ATF7: variants seen among roughly 807,000 people sequenced by gnomAD.
The protein encoded by ATF7 is cyclic AMP-dependent transcription factor ATF-7.
In ATF7, 10 loss-of-function variants were observed where a neutral mutation model predicts 50.4. The observed-to-expected ratio is 0.20, with a 90% CI of 0.12 to 0.34. The LOEUF (loss-of-function observed/expected upper bound fraction) is 0.34. Among genes scored for constraint, ATF7 ranks in the 10% least tolerant of loss-of-function variants. The pLI, the probability that ATF7 is intolerant of heterozygous loss-of-function variation, is 1.00. For missense variants in ATF7, 465 were observed against 613.9 expected, an observed-to-expected ratio of 0.76 and a Z score of 2.56; for synonymous variants, 201 against 226.4, an observed-to-expected ratio of 0.89 and a Z score of 1.01.
rs370004741 is a variant in ATF7 at position 53,531,873 on chromosome 12, G to T, written c.798C>A (p.His266Gln). 3 of 1,613,580 alleles carry T rather than the reference G, an allele frequency of 1.9e-6. No individual in the cohort carries two copies. In the African/African-American group the frequency reaches 4.0e-5, roughly 22 times the overall value. ...AACCACCATTGATTGAGGAGACTTG[G>T]TGAGTTAGGGTGGCTTTCAGTCTCT... ...AKMRLKATLTHQVSSINGGCG... is the reference protein window; with the variant it reads ...AKMRLKATLTQQVSSINGGCG... Residue 266 changes from histidine to glutamine, a missense_variant, in exon 9 of 12, where the codon CAC becomes CAA. Coordinates refer to ENST00000420353, the MANE Select transcript of ATF7 (RefSeq NM_006856.3).
intron 2 of ATF7, among the ~76,000 whole-genome samples, chr12:53,568,109 G>A (rs1354221922): frequency 6.6e-6 from 1 of 152,148 alleles, no homozygotes; most frequent in Non-Finnish European, 1.5e-5. Flanking sequence ...TTTCACTGTG[G>A]AAAAACTATA....
intron 4 of ATF7, among the ~76,000 whole-genome samples, chr12:53,541,749 C>A (rs1939563201): frequency 6.6e-6 from 1 of 152,174 alleles, no homozygotes. Flanking sequence ...TAAATGTAAT[C>A]CCTCTTTTAA....
In ATF7 at chr12:53,617,414, G is replaced by A. The variant is rs182126183; in HGVS notation, c.-22+8865C>T. On this transcript the variant is annotated intron_variant, in intron 1 of 11. Transcript: ENST00000420353. The stretch of plus-strand genomic sequence containing the variant: ...AGGTCAAGGTGGGTGGATCATTTGA[G>A]GTCACGGGTGCGAGAGCAGCCTGGC... Among the ~76,000 whole-genome samples, 75 of 152,312 alleles carry A rather than the reference G, an allele frequency of 4.9e-4. 1 individual carries two copies. Among genetic ancestry groups the A allele is most frequent in the Admixed American group, 3.0e-3 (46 of 15,290 alleles).
intron 2 of ATF7, among the ~76,000 whole-genome samples, chr12:53,578,367 CAAAA>C (rs56914905): frequency 6.3e-4 from 68 of 107,734 alleles, no homozygotes; most frequent in African/African-American, 2.1e-3. Context: ...GATCTTCTCT[CAAAA>C]AAAAAAAAAA....
At chr12:53,611,004 T>C (rs982388762) in intron 1 of ATF7, among the ~76,000 whole-genome samples, 3 of 152,040 alleles carry the variant, frequency 2.0e-5, no homozygotes, top group Non-Finnish European at 4.4e-5. Context: ...TTTTTTTTTT[T>C]TGTAGAGACA....
At chr12:53,615,844 C>T (rs1256271577) in intron 1 of ATF7, among the ~76,000 whole-genome samples, 1 of 151,418 alleles carries the variant, frequency 6.6e-6, no homozygotes, top group Non-Finnish European at 1.5e-5. Flanking sequence ...GTTATGATCA[C>T]GCCACTGCAT....
At chr12:53,575,338 C>T (rs914647700) in intron 2 of ATF7, among the ~76,000 whole-genome samples, 7 of 149,350 alleles carry the variant, frequency 4.7e-5, no homozygotes, top group Admixed American at 1.4e-4. Flanking sequence ...ACCCAGGAGG[C>T]GGAGGCTGCG....
In ATF7 at chr12:53,543,344, C is replaced by T; in HGVS notation, c.250G>A (p.Glu84Lys). ...FEHEFKKAAD[E>K]DEKKAAAGPL... is the part of the protein sequence containing the mutation. Reference sequence around the variant, plus strand: ...CTGCTTCTTGCCTTTTTCTCATCCTCATCTGCAGCTTTCTTGAATTCATGT... The same window carrying T: ...CTGCTTCTTGCCTTTTTCTCATCCTTATCTGCAGCTTTCTTGAATTCATGT... The change falls in exon 4 of 12, where the codon GAG (glutamate) becomes AAG (lysine). Residue 84 changes from glutamate (E) to lysine (K), a missense_variant. By Grantham distance (56) the Glu-to-Lys change is moderately conservative. Transcript: ENST00000420353. 2 of 1,590,232 alleles carry T rather than the reference C, an allele frequency of 1.3e-6. No individual in the cohort carries two copies. The highest frequency in any genetic ancestry group is 1.1e-5 in the South Asian group (1 of 87,424).
chr12:53,533,132 G>A, intron 7 of ATF7, 28 bp downstream of exon 7: 1 of 1,550,588 alleles, frequency 6.4e-7, no homozygotes, highest in Non-Finnish European at 8.9e-7. Context: ...ATGTTGGTAG[G>A]GTTGGCTGCC....
chr12:53,555,490 A>AT (rs543048867), intron 2 of ATF7, among the ~76,000 whole-genome samples: 1,376 of 100,714 alleles, frequency 0.014, 178 homozygotes, highest in African/African-American at 0.018. Context: ...AAATAATATA[A>AT]TTTTTTTTTT....
In ATF7 at chr12:53,612,880, T is replaced by G. The variant is rs570601539; in HGVS notation, c.-21-11859A>C. ...TTAGTTGGGCATGGTAGCGCGCACC[T>G]GTAGTCCCTGCTACTCGGGAGGCTG... On this transcript the variant is annotated intron_variant, in intron 1 of 11. Coordinates refer to ENST00000420353, the MANE Select transcript of ATF7 (RefSeq NM_006856.3). 2.0e-5 allele frequency among the ~76,000 whole-genome samples: 3 copies of G among 152,192 alleles called. No homozygotes were observed. In the South Asian group the frequency reaches 6.2e-4, roughly 32 times the overall value.
chr12:53,550,331 A>AAATAAATAAAT (rs1555218972), intron 3 of ATF7, among the ~76,000 whole-genome samples: 208 of 123,618 alleles, frequency 1.7e-3, no homozygotes, highest in Middle Eastern at 3.8e-3. Flanking sequence ...CTCAAAAAAA[A>AAATAAATAAAT]AAATAAATAA....
intron 2 of ATF7, among the ~76,000 whole-genome samples, chr12:53,571,354 C>A (rs762808369): frequency 6.6e-6 from 1 of 151,680 alleles, no homozygotes. Flanking sequence ...TGTTATAACG[C>A]CTACAGGAAA....
In ATF7 at chr12:53,532,613, G is replaced by T; in HGVS notation, c.671C>A (p.Pro224His). The change falls in exon 8 of 12, where the codon CCT (proline) becomes CAT (histidine). Residue 224 changes from proline to histidine, a missense_variant. By Grantham distance (77) the Pro-to-His change is moderately conservative. Coordinates refer to ENST00000420353, the MANE Select transcript of ATF7 (RefSeq NM_006856.3). ...AGGAATGTTGGGCACCATGGACACA[G>T]GTCTGGCCAGCTGGATCGAGAGAAG... is the stretch of plus-strand genomic sequence containing the variant. The part of the protein sequence containing the change: ...QMPSVISLAR[P>H]VSMVPNIPGI... 6.2e-7 allele frequency: 1 copy of T among 1,603,082 alleles called. No individual in the cohort carries two copies. Among genetic ancestry groups the T allele is most frequent in the Non-Finnish European group, 8.5e-7 (1 of 1,174,630 alleles).
chr12:53,526,244 T>C (rs1938460402), intron 9 of ATF7, among the ~76,000 whole-genome samples: 1 of 149,228 alleles, frequency 6.7e-6, no homozygotes, highest in Non-Finnish European at 1.5e-5. Context: ...CAAGTGTACC[T>C]GCTTCTCCGG....
intron 2 of ATF7, among the ~76,000 whole-genome samples, chr12:53,572,752 G>C (rs1941837300): frequency 6.6e-6 from 1 of 151,922 alleles, no homozygotes; most frequent in Non-Finnish European, 1.5e-5. Context: ...TTCGAGACTA[G>C]CCTGGGTGAT....
intron 2 of ATF7, among the ~76,000 whole-genome samples, chr12:53,553,185 A>G (rs562391850): frequency 3.3e-5 from 5 of 152,296 alleles, no homozygotes; most frequent in Admixed American, 1.3e-4. Flanking sequence ...TATTTGGCTC[A>G]GAGTTTTAAT....
intron 1 of ATF7, among the ~76,000 whole-genome samples, chr12:53,617,311 TTATG>T (rs1318794433): frequency 6.6e-6 from 1 of 152,200 alleles, no homozygotes; most frequent in Non-Finnish European, 1.5e-5. Flanking sequence ...CAACCAATGC[TTATG>T]TATTATGTCC....
chr12:53,513,255 G>A lies in ATF7; in HGVS notation c.*3882C>T, dbSNP rs1391425672. 6.6e-6 allele frequency: 1 copy of A among 152,202 alleles called. No homozygotes were observed. Among genetic ancestry groups the A allele is most frequent in the East Asian group, 1.9e-4 (1 of 5,202 alleles). 9.4% of individuals were successfully genotyped at this position (152,202 alleles called of 1,614,324 possible). On this transcript the variant is annotated 3_prime_UTR_variant, in exon 12 of 12. Transcript: ENST00000420353. ...GAGAGACAACACAGCTGATGCAGACGGTGGTAATGGTGGCCAGCAGCCACC... is the reference window on the plus strand; with the variant it reads ...GAGAGACAACACAGCTGATGCAGACAGTGGTAATGGTGGCCAGCAGCCACC...
Sources: gnomAD v4.1 joint callset for allele counts (sites outside exome capture counted in the v4.1 genomes callset) on GRCh38, gnomAD v4.1.1 for gene constraint, MANE v1.5 for transcripts, NCBI Gene and HGNC (gene_info 2026-07-23, HGNC 2026-07-21) for gene names.